Variants in EFCAB6 observed in about 807,000 individuals in gnomAD.
EFCAB6 encodes EF-hand calcium-binding domain-containing protein 6.
A neutral mutation model predicts 169.8 loss-of-function variants in EFCAB6; 156 were observed. The ratio of observed to expected loss-of-function variants is 0.92; its 90% confidence interval spans 0.81 to 1.05. EFCAB6 has a LOEUF of 1.05. Among genes scored for constraint, EFCAB6 ranks in the 50% least tolerant of loss-of-function variants. EFCAB6 has a pLI of 0.00. For missense variants in EFCAB6, 1,800 were observed against 1,829.1 expected (o/e 0.98, Z 0.29); for synonymous variants, 698 against 676.4 (o/e 1.03, Z -0.50).
chr22:43,743,030 T>C (rs1486745953), intron 6 of EFCAB6, among the ~76,000 whole-genome samples: 1 of 152,136 alleles, frequency 6.6e-6, no homozygotes, highest in Non-Finnish European at 1.5e-5. Context: ...TTACCTAACA[T>C]TTAAAGCAAG....
chr22:43,615,763 C>G, intron 21 of EFCAB6, 63 bp downstream of exon 21: 1 of 1,418,018 alleles, frequency 7.1e-7, no homozygotes, highest in Non-Finnish European at 9.8e-7. Context: ...CTTCATCATC[C>G]CAGTGATCTT....
At chr22:43,674,752 C>T (rs2057649459) in intron 13 of EFCAB6, among the ~76,000 whole-genome samples, 1 of 152,172 alleles carries the variant, frequency 6.6e-6, no homozygotes, top group African/African-American at 2.4e-5. Context: ...AACAACCTTA[C>T]AAGGTGGTAC....
At chr22:43,717,537 TAGAC>T (rs1400245016) in intron 8 of EFCAB6, among the ~76,000 whole-genome samples, 1 of 152,152 alleles carries the variant, frequency 6.6e-6, no homozygotes, top group Non-Finnish European at 1.5e-5. Context: ...ACTAAGGTTA[TAGAC>T]AGATAATTCA....
At chr22:43,549,223 AAAGAT>A (rs2048247981) in intron 27 of EFCAB6, among the ~76,000 whole-genome samples, 2 of 152,184 alleles carry the variant, frequency 1.3e-5, no homozygotes. Context: ...AAGGAATAAT[AAAGAT>A]AAGAGCAGAA....
chr22:43,696,796 G>A (rs2058592988), intron 10 of EFCAB6, among the ~76,000 whole-genome samples: 1 of 152,128 alleles, frequency 6.6e-6, no homozygotes, highest in Non-Finnish European at 1.5e-5. Context: ...GGAGGTGGGG[G>A]TCACGGGAGG....
intron 27 of EFCAB6, among the ~76,000 whole-genome samples, chr22:43,548,143 T>C (rs1356566174): frequency 6.6e-6 from 1 of 152,132 alleles, no homozygotes; most frequent in Non-Finnish European, 1.5e-5. Context: ...GAGCATTAAA[T>C]GAAAGCACTT....
chr22:43,721,032 A>G (rs911998197), intron 8 of EFCAB6, among the ~76,000 whole-genome samples: 4 of 152,232 alleles, frequency 2.6e-5, no homozygotes, highest in African/African-American at 9.6e-5. Flanking sequence ...ACAAGGTTTC[A>G]GTACACAAAA....
chr22:43,600,650 T>G (rs1050228530), intron 22 of EFCAB6, among the ~76,000 whole-genome samples: 12 of 37,268 alleles, frequency 3.2e-4, no homozygotes, highest in African/African-American at 7.4e-4. Flanking sequence ...TTAGCAGGGT[T>G]TTTTTTTTGT....
At position 43,629,948 on chromosome 22, in the gene EFCAB6, A is replaced by G. The variant is rs538006230; in HGVS notation, c.2232+2157T>C. ...TGAAGTGCAAAGTGAAGTTGCAGAG[A>G]ACTGAGTGTACTGTGACCCTATTTG... is the stretch of plus-strand genomic sequence containing the variant. On this transcript the variant is annotated intron_variant, in intron 19 of 31. Transcript: ENST00000262726. Among the ~76,000 whole-genome samples, 6 of 152,248 alleles carry G rather than the reference A, an allele frequency of 3.9e-5. No individual in the cohort carries two copies. In the East Asian group the frequency reaches 1.2e-3, roughly 29 times the overall value.
chr22:43,803,905 G>A (rs1017855264), intron 2 of EFCAB6, among the ~76,000 whole-genome samples: 1 of 152,116 alleles, frequency 6.6e-6, no homozygotes, highest in Non-Finnish European at 1.5e-5. Flanking sequence ...TAGAGATGGG[G>A]TCTTGCTGTA....
At chr22:43,564,177 G>A (rs1185847742) in intron 26 of EFCAB6, among the ~76,000 whole-genome samples, 1 of 152,158 alleles carries the variant, frequency 6.6e-6, no homozygotes, top group Non-Finnish European at 1.5e-5. Flanking sequence ...GCCAGGCACG[G>A]TAGCTCACAC....
intron 10 of EFCAB6, among the ~76,000 whole-genome samples, chr22:43,696,045 T>C (rs1281903165): frequency 6.6e-6 from 1 of 152,040 alleles, no homozygotes; most frequent in Non-Finnish European, 1.5e-5. Flanking sequence ...AGGGAAAATA[T>C]CTGAAAACAT....
At chr22:43,600,652 T>TG (rs1213198805) in intron 22 of EFCAB6, among the ~76,000 whole-genome samples, 1 of 152,086 alleles carries the variant, frequency 6.6e-6, no homozygotes, top group East Asian at 1.9e-4. Context: ...AGCAGGGTTT[T>TG]TTTTTTGTTT....
chr22:43,692,518 G>T (rs1489146612), intron 10 of EFCAB6, among the ~76,000 whole-genome samples: 2 of 152,036 alleles, frequency 1.3e-5, no homozygotes, highest in Non-Finnish European at 2.9e-5. Flanking sequence ...CAAAGGATAG[G>T]ACATCTCAGC....
At chr22:43,544,376 G>A (rs2047921588) in intron 27 of EFCAB6, among the ~76,000 whole-genome samples, 1 of 152,160 alleles carries the variant, frequency 6.6e-6, no homozygotes, top group Admixed American at 6.5e-5. Context: ...CTCTGGATGT[G>A]GTCTGCCTTC....
intron 2 of EFCAB6, among the ~76,000 whole-genome samples, chr22:43,796,356 T>G (rs2062508954): frequency 6.6e-6 from 1 of 152,130 alleles, no homozygotes; most frequent in African/African-American, 2.4e-5. Context: ...TGAACTAAAT[T>G]AAGTAATTGT....
intron 26 of EFCAB6, among the ~76,000 whole-genome samples, chr22:43,561,551 C>CCA (rs2049038558): frequency 6.6e-6 from 1 of 152,150 alleles, no homozygotes; most frequent in South Asian, 2.1e-4. Context: ...CGCCCCGCCC[C>CCA]CACACACCCA....
chr22:43,626,511 C>G lies in EFCAB6; in HGVS notation c.2401G>C (p.Glu801Gln). Residue 801 changes from glutamate to glutamine, a missense_variant, in exon 20 of 32, where the codon GAA becomes CAA. Glu to Gln is a conservative substitution (Grantham distance 29). Transcript: ENST00000262726. ...CTCTTCTCACACAAATTTTGAAATTCCCGAAAATTTAAAGTGACACTAAGT... is the reference window on the plus strand; with the variant it reads ...CTCTTCTCACACAAATTTTGAAATTGCCGAAAATTTAAAGTGACACTAAGT... ...LRLSVTLNFR[E>Q]FQNLCEKRPW... 6.2e-7 allele frequency: 1 copy of G among 1,614,086 alleles called. No individual in the cohort carries two copies. The highest frequency in any genetic ancestry group is 2.2e-5 in the East Asian group (1 of 44,882).
At chr22:43,700,468 T>G (rs115271769) in intron 10 of EFCAB6, among the ~76,000 whole-genome samples, 161 of 152,370 alleles carry the variant, frequency 1.1e-3, no homozygotes, top group African/African-American at 3.7e-3. Flanking sequence ...AGCGTATATT[T>G]AAATTGTACT....
Sources: allele counts gnomAD v4.1 joint callset (sites outside exome capture counted in the v4.1 genomes callset), GRCh38; gene constraint gnomAD v4.1.1; transcripts MANE v1.5; gene names NCBI Gene and HGNC (gene_info 2026-07-23, HGNC 2026-07-21).